Variants in OARD1 observed in about 807,000 individuals in gnomAD.
OARD1 encodes the protein O-acyl-ADP-ribose deacylase 1.
OARD1 carries 19 observed loss-of-function variants against 19.7 expected under a neutral mutation model. That is an observed-to-expected ratio of 0.96 (90% CI 0.67 to 1.41). The LOEUF (loss-of-function observed/expected upper bound fraction) is 1.41, where lower values mean the gene tolerates loss of function less well. OARD1 is among the 40% of genes most tolerant of loss of function. The pLI is 0.00. For missense variants in OARD1, 190 were observed against 183.8 expected (o/e 1.03, Z -0.20); for synonymous variants, 70 against 61.8 (o/e 1.13, Z -0.62).
chr6:41,071,240 T>G lies in OARD1; in HGVS notation c.76A>C (p.Lys26Gln). The part of the protein sequence containing the change: ...YVKGDLFACP[K>Q]TDSLAHCISE... ...ATACAGTGGGCTAAAGAGTCTGTTT[T>G]CGGGCATGCAAAAAGGTCTCCTTTC... Residue 26 changes from lysine to glutamine, a missense_variant, in exon 3 of 6, where the codon AAA (lysine) becomes CAA (glutamine). By Grantham distance (53) the Lys-to-Gln change is moderately conservative. Transcript: ENST00000424266. The G allele has an allele frequency of 6.2e-7, 1 of 1,614,186 alleles. No homozygotes were observed. Among genetic ancestry groups the G allele is most frequent in the Non-Finnish European group, 8.5e-7 (1 of 1,179,998 alleles).
intron 1 of OARD1, among the ~76,000 whole-genome samples, chr6:41,082,507 G>A (rs1463486733): frequency 1.3e-5 from 2 of 152,136 alleles, no homozygotes; most frequent in Admixed American, 6.5e-5. Context: ...TCATGTGCAC[G>A]AATAGCACAT....
At position 41,071,276 on chromosome 6, in the gene OARD1, T is replaced by C. The variant is rs116694243; in HGVS notation, c.40A>G (p.Ile14Val). The change falls in exon 3 of 6, where the codon ATC (isoleucine) becomes GTC (valine). Residue 14 changes from isoleucine (I) to valine (V), a missense_variant and splice_region_variant. Transcript: ENST00000424266. Reference protein sequence around the residue: ...SLNEDPEGSRITYVKGDLFAC... With the variant: ...SLNEDPEGSRVTYVKGDLFAC... ...AAAAGGTCTCCTTTCACATAAGTGATCTAAAAAATGTGCAAAGGAAAAGAC... is the reference window on the plus strand; with the variant it reads ...AAAAGGTCTCCTTTCACATAAGTGACCTAAAAAATGTGCAAAGGAAAAGAC... 601 of 1,612,934 alleles carry C rather than the reference T, an allele frequency of 3.7e-4. No homozygotes were observed. Among genetic ancestry groups the C allele is most frequent in the Admixed American group, 7.5e-4 (45 of 59,828 alleles).
intron 1 of OARD1, chr6:41,093,133 CT>C: frequency 6.5e-7 from 1 of 1,532,338 alleles, no homozygotes; most frequent in Non-Finnish European, 8.9e-7. Flanking sequence ...TAGCAGGGTT[CT>C]ACTTTTGAAA....
intron 1 of OARD1, chr6:41,090,322 A>G: frequency 6.3e-7 from 1 of 1,595,420 alleles, no homozygotes; most frequent in South Asian, 1.1e-5. Context: ...AAGTGTACCC[A>G]TAAGCTTCCC....
upstream of OARD1, among the ~76,000 whole-genome samples, chr6:41,073,958 A>T (rs567395684): frequency 1.3e-5 from 2 of 151,484 alleles, no homozygotes; most frequent in African/African-American, 4.9e-5. Context: ...AGACCAGTCC[A>T]TTCGGTGCCT....
intron 1 of OARD1, among the ~76,000 whole-genome samples, chr6:41,093,652 G>A (rs1004430279): frequency 1.3e-5 from 2 of 152,118 alleles, no homozygotes; most frequent in African/African-American, 4.8e-5. Flanking sequence ...TGTGTTTTTA[G>A]TAGAGACGGG....
chr6:41,079,945 T>C (rs1459452888), intron 1 of OARD1, among the ~76,000 whole-genome samples: 5 of 152,322 alleles, frequency 3.3e-5, no homozygotes, highest in East Asian at 1.9e-4. Context: ...ACTCCCCTGA[T>C]AGCTTTCCCT....
At chr6:41,071,948 C>T (rs1003203008) in intron 1 of OARD1, 16 of 389,810 alleles carry the variant, frequency 4.1e-5, no homozygotes, top group Admixed American at 3.1e-4. Context: ...GACACGCCTC[C>T]TCCTTTCTCC....
At chr6:41,094,258 C>T (rs577902593) in intron 1 of OARD1, 108 of 659,560 alleles carry the variant, frequency 1.6e-4, no homozygotes, top group Non-Finnish European at 2.6e-4. Context: ...AAGCTTCCAT[C>T]GTCATTCTAA....
chr6:41,091,835 A>G (rs1177009286), intron 1 of OARD1: 4 of 909,228 alleles, frequency 4.4e-6, no homozygotes, highest in Non-Finnish European at 6.5e-6. Flanking sequence ...TGACAATAAC[A>G]TTATGACAAA....
At chr6:41,092,351 A>AC (rs1195680369) in intron 1 of OARD1, among the ~76,000 whole-genome samples, 1 of 152,108 alleles carries the variant, frequency 6.6e-6, no homozygotes, top group East Asian at 1.9e-4. Flanking sequence ...ATGTAGAGAG[A>AC]CCTCGTTTCT....
At chr6:41,069,020 C>T (rs1763179422) in intron 4 of OARD1, 67 bp from the exon 5 acceptor site, 4 of 767,296 alleles carry the variant, frequency 5.2e-6, no homozygotes, top group Admixed American at 2.6e-5. Context: ...ATCACATTCC[C>T]CCAACATCCC....
In OARD1 at chr6:41,065,910, T is replaced by C. The variant is rs780439275; in HGVS notation, c.*1425A>G. 6 of 152,216 alleles carry C rather than the reference T, an allele frequency of 3.9e-5. No homozygotes were observed. Among genetic ancestry groups the C allele is most frequent in the Non-Finnish European group, 5.9e-5 (4 of 68,048 alleles). 9.4% of individuals were successfully genotyped at this position (152,216 alleles called of 1,614,324 possible). A position where few individuals can be genotyped will look rare whatever the true frequency, so the allele number is the denominator to read the frequency against. On this transcript the variant is annotated 3_prime_UTR_variant, in exon 6 of 6. Transcript: ENST00000424266. ...GCTGTTTTAACTCTCAACACCACTG[T>C]AAGGGAAAACAAGAAAATGTCTAGT...
At chr6:41,094,403 T>C in intron 1 of OARD1, 1 of 1,614,020 alleles carries the variant, frequency 6.2e-7, no homozygotes, top group Non-Finnish European at 8.5e-7. Context: ...TAGAAATACC[T>C]GCATGAGTCT....
intron 3 of OARD1, among the ~76,000 whole-genome samples, 173 bp from the exon 4 acceptor site, chr6:41,070,307 T>C (rs559181626): frequency 1.9e-4 from 29 of 152,362 alleles, no homozygotes; most frequent in African/African-American, 7.0e-4. Flanking sequence ...TTTATCAGCA[T>C]TCCCAAATAC....
intron 1 of OARD1, among the ~76,000 whole-genome samples, chr6:41,093,855 G>A (rs1029946129): frequency 6.6e-6 from 1 of 152,172 alleles, no homozygotes; most frequent in African/African-American, 2.4e-5. Context: ...CACCTAACAT[G>A]CAGATAAGGC....
chr6:41,088,150 G>A (rs1764095008), intron 1 of OARD1, among the ~76,000 whole-genome samples: 1 of 152,084 alleles, frequency 6.6e-6, no homozygotes, highest in Non-Finnish European at 1.5e-5. Context: ...CCGGTGCGGT[G>A]GCCCACACCT....
At chr6:41,074,754 A>T (rs1763686165), upstream of OARD1, among the ~76,000 whole-genome samples, 1 of 152,248 alleles carries the variant, frequency 6.6e-6, no homozygotes, top group South Asian at 2.1e-4. Context: ...TTCAAGTAGA[A>T]GGGATCTAGA....
chr6:41,077,333 A>G (rs187985609), upstream of OARD1, among the ~76,000 whole-genome samples: 1 of 152,140 alleles, frequency 6.6e-6, no homozygotes, highest in South Asian at 2.1e-4. Context: ...ATGAAGATAT[A>G]AAACATTTTC....
Sources: gnomAD v4.1 joint callset for allele counts (sites outside exome capture counted in the v4.1 genomes callset) on GRCh38, gnomAD v4.1.1 for gene constraint, MANE v1.5 for transcripts, NCBI Gene and HGNC (gene_info 2026-07-23, HGNC 2026-07-21) for gene names.